Variants in AHCY observed in about 807,000 individuals in gnomAD.
The protein encoded by AHCY is adenosylhomocysteinase.
AHCY carries 24 observed loss-of-function variants against 45.4 expected under a neutral mutation model. The ratio of observed to expected loss-of-function variants is 0.53; its 90% confidence interval spans 0.38 to 0.74. AHCY has a LOEUF of 0.74. Among genes scored for constraint, AHCY ranks in the 30% least tolerant of loss-of-function variants. The pLI, the probability that AHCY is intolerant of heterozygous loss-of-function variation, is 0.00. For missense variants in AHCY, 449 were observed against 594.1 expected, an observed-to-expected ratio of 0.76 and a Z score of 2.54; for synonymous variants, 245 against 235.1, an observed-to-expected ratio of 1.04 and a Z score of -0.39.
the AHCY span, among the ~76,000 whole-genome samples, chr20:34,273,748 C>T: frequency 2.0e-5 from 3 of 152,196 alleles, no homozygotes; most frequent in Non-Finnish European, 4.4e-5. Flanking sequence ...ACGAGTTACC[C>T]TTTCTTCTTC....
the AHCY span, among the ~76,000 whole-genome samples, chr20:34,235,866 A>AAAGG: frequency 2.0e-3 from 75 of 36,892 alleles, 3 homozygotes; most frequent in Admixed American, 2.2e-3. Context: ...GGAAGGAAGG[A>AAAGG]AAGGAAGGAA....
At chr20:34,258,022 T>C in the AHCY span, among the ~76,000 whole-genome samples, 1 of 152,150 alleles carries the variant, frequency 6.6e-6, no homozygotes, top group Admixed American at 6.6e-5. Flanking sequence ...CAAGCACCTG[T>C]AGTCCCAGCT....
chr20:34,238,913 C>A, the AHCY span, among the ~76,000 whole-genome samples: 1 of 152,152 alleles, frequency 6.6e-6, no homozygotes, highest in African/African-American at 2.4e-5. Context: ...CTAGAAGTTG[C>A]AAGCCTTCAA....
At chr20:34,309,274 C>A (rs1168083038) in intron 1 of AHCY, among the ~76,000 whole-genome samples, 1 of 152,104 alleles carries the variant, frequency 6.6e-6, no homozygotes, top group East Asian at 1.9e-4. Context: ...TTATCTATTT[C>A]TATCTATTAG....
In AHCY at chr20:34,290,206, G is replaced by A; in HGVS notation, c.972+126C>T. 1.1e-6 allele frequency: 1 copy of A among 946,458 alleles called. No homozygotes were observed. The highest frequency in any genetic ancestry group is 1.7e-6 in the Non-Finnish European group (1 of 584,920). The allele number at this position is 946,458 out of a possible 1,614,324, so 58.6% of individuals were successfully genotyped here. On this transcript the variant is annotated intron_variant, in intron 8 of 9. Transcript: ENST00000217426. This position sits in a 1 kb window ranked among gnomAD's most constrained non-coding sequence, Gnocchi z 4.5. ...GTTGCCACGTCTGGCTGGCTCTGAT[G>A]CTAGGCCCTCTTCTCCCCATCCCCC...
the AHCY span, among the ~76,000 whole-genome samples, chr20:34,247,053 C>G: frequency 6.7e-6 from 1 of 148,744 alleles, no homozygotes; most frequent in African/African-American, 2.5e-5. Flanking sequence ...AGTGCAGTGG[C>G]ATGATCATGG....
chr20:34,235,889 G>GCGGGAGGGAGGGAA, the AHCY span, among the ~76,000 whole-genome samples: 305 of 101,582 alleles, frequency 3.0e-3, 13 homozygotes, highest in African/African-American at 6.4e-3. Flanking sequence ...AAGGAAGGAA[G>GCGGGAGGGAGGGAA]GAAGGAAGGA....
the AHCY span, among the ~76,000 whole-genome samples, chr20:34,269,722 ATC>A: frequency 1.3e-4 from 20 of 151,938 alleles, no homozygotes; most frequent in African/African-American, 4.8e-4. Context: ...AGGCGGGCGG[ATC>A]TCCTGAGGTC....
In AHCY at chr20:34,295,280, C is replaced by T. The variant is rs1050666433; in HGVS notation, c.219+115G>A. The T allele has an allele frequency of 9.2e-6, 12 of 1,301,950 alleles. No homozygotes were observed. The Admixed American group carries it at 1.2e-4, about 13-fold the overall frequency. 80.6% of individuals were successfully genotyped at this position (1,301,950 alleles called of 1,614,324 possible). ...ACCGAGTGAGAGGGAGGAACCCCTC[C>T]AGGCCCGCGGTCAGCTCCACACCTG... On this transcript the variant is annotated intron_variant, in intron 2 of 9. Coordinates refer to ENST00000217426, the MANE Select transcript of AHCY (RefSeq NM_000687.4).
At chr20:34,283,990 C>T (rs571894637) in intron 9 of AHCY, among the ~76,000 whole-genome samples, 1 of 151,778 alleles carries the variant, frequency 6.6e-6, no homozygotes, top group Admixed American at 6.6e-5. Flanking sequence ...AGGGACAAAG[C>T]AAAGTTCACC....
the AHCY span, among the ~76,000 whole-genome samples, chr20:34,266,609 G>A: frequency 6.7e-6 from 1 of 148,692 alleles, no homozygotes; most frequent in Non-Finnish European, 1.5e-5. Flanking sequence ...GGAGATGAAG[G>A]TTGCAGTGAG....
the AHCY span, among the ~76,000 whole-genome samples, chr20:34,252,611 G>A: frequency 6.6e-6 from 1 of 152,140 alleles, no homozygotes. Context: ...TTCCCAGGGA[G>A]GAGCAGGAGA....
intron 1 of AHCY, 142 bp downstream of exon 1, chr20:34,303,101 T>C: frequency 2.0e-6 from 3 of 1,479,446 alleles, no homozygotes; most frequent in Non-Finnish European, 2.7e-6. Flanking sequence ...AACTTCCAGC[T>C]GGCTTCGCGC....
chr20:34,275,016 G>C, the AHCY span, among the ~76,000 whole-genome samples: 18 of 152,008 alleles, frequency 1.2e-4, no homozygotes, highest in African/African-American at 4.1e-4. Flanking sequence ...TATGACCTTG[G>C]GCAAAATTCC....
At chr20:34,309,252 G>A (rs184583886) in intron 1 of AHCY, among the ~76,000 whole-genome samples, 199 of 152,240 alleles carry the variant, frequency 1.3e-3, no homozygotes, top group African/African-American at 4.5e-3. Flanking sequence ...GAGCCACCAC[G>A]CCTGGCCGGA....
the AHCY span, among the ~76,000 whole-genome samples, chr20:34,248,886 A>AC: frequency 6.6e-6 from 1 of 151,958 alleles, no homozygotes; most frequent in African/African-American, 2.4e-5. Context: ...CAGCAATTCA[A>AC]CGTTCGAAGA....
At chr20:34,291,575 G>A (rs376028602) in intron 4 of AHCY, 44 bp from the exon 5 acceptor site, 4 of 1,537,048 alleles carry the variant, frequency 2.6e-6, no homozygotes, top group Non-Finnish European at 2.7e-6. Context: ...TGCCACACCT[G>A]TGCTCATGCA....
the AHCY span, chr20:34,260,323 C>A: frequency 8.2e-6 from 13 of 1,583,840 alleles, no homozygotes; most frequent in Admixed American, 5.1e-5. Flanking sequence ...CTTACCATTA[C>A]CCCTGACCCA....
the AHCY span, among the ~76,000 whole-genome samples, chr20:34,249,728 T>G: frequency 6.6e-6 from 1 of 152,200 alleles, no homozygotes; most frequent in Non-Finnish European, 1.5e-5. Context: ...CTCTCTTCCC[T>G]GCACTGAAAG....
Sources: gnomAD v4.1 joint callset for allele counts (sites outside exome capture counted in the v4.1 genomes callset) on GRCh38, gnomAD v4.1.1 for gene constraint, Gnocchi (gnomAD v3.1) non-coding constraint, MANE v1.5 for transcripts, NCBI Gene and HGNC (gene_info 2026-07-23, HGNC 2026-07-21) for gene names.